Variants in STXBP5 observed in about 807,000 individuals in gnomAD.
STXBP5 encodes syntaxin binding protein 5, also known as syntaxin-binding protein 5.
STXBP5 carries 50 observed loss-of-function variants against 152.4 expected under a neutral mutation model. That is an observed-to-expected ratio of 0.33 (90% confidence interval 0.26 to 0.42). STXBP5 has a LOEUF of 0.42. Among genes scored for constraint, STXBP5 ranks in the 10% least tolerant of loss-of-function variants. The probability of loss-of-function intolerance (pLI) is 1.00; values close to 1 mark genes in which losing one functional copy is unlikely to be tolerated. For missense variants in STXBP5, 1,167 were observed against 1,388.6 expected (o/e 0.84, Z 2.54); for synonymous variants, 492 against 494.7 (o/e 0.99, Z 0.07).
rs1007697569 is a variant in STXBP5, at chr6:147,373,759, T to G, written c.3110T>G (p.Val1037Gly). 6.2e-7 allele frequency: 1 copy of G among 1,613,818 alleles called. No homozygotes were observed. Among genetic ancestry groups the G allele is most frequent in the Non-Finnish European group, 8.5e-7 (1 of 1,179,810 alleles). The change falls in exon 26 of 28, where the codon GTA becomes GGA. Residue 1037 changes from valine (V) to glycine (G), a missense_variant. Val to Gly is a moderately radical substitution (Grantham distance 109). This residue lies in a region of STXBP5 where 833 missense variants were observed against 986.3 expected (regional missense o/e 0.84). Coordinates refer to ENST00000321680, the MANE Select transcript of STXBP5 (RefSeq NM_001127715.4). ...ATGTTGGGTGAACTCTTCACTCCTG[T>G]AGAAACACCTGAAGCACCAAACAGG... is the stretch of plus-strand genomic sequence containing the variant. ...QEMLGELFTP[V>G]ETPEAPNRGF...
Position 147,278,086 on chromosome 6 carries a change from C to T in STXBP5, c.720C>T (p.Ile240=). ...ADYRYTYDEA[I]HSVAWHHEGK... ...TATTTTTCATCCTTCTATAGGCTAT[C>T]CACTCTGTTGCTTGGCATCATGAAG... Residue 240 remains isoleucine, a synonymous_variant, in exon 8 of 28, where the codon ATC becomes ATT. Coordinates refer to ENST00000321680, the MANE Select transcript of STXBP5 (RefSeq NM_001127715.4). 1 of 1,610,920 alleles carries T rather than the reference C, an allele frequency of 6.2e-7. No individual in the cohort carries two copies. The highest frequency in any genetic ancestry group is 8.5e-7 in the Non-Finnish European group (1 of 1,177,912).
intron 4 of STXBP5, among the ~76,000 whole-genome samples, chr6:147,247,436 G>A (rs1054313416): frequency 1.3e-5 from 2 of 152,060 alleles, no homozygotes; most frequent in African/African-American, 4.8e-5. Flanking sequence ...TTGGTGATAT[G>A]GAAATGATGA....
intron 8 of STXBP5, among the ~76,000 whole-genome samples, chr6:147,280,686 G>C (rs1487272393): frequency 6.6e-6 from 1 of 152,004 alleles, no homozygotes; most frequent in Non-Finnish European, 1.5e-5. Flanking sequence ...TACAAGCTTA[G>C]GTCATTGAAA....
At chr6:147,315,892 T>G (rs1307143411) in intron 15 of STXBP5, among the ~76,000 whole-genome samples, 157 bp downstream of exon 15, 1 of 152,176 alleles carries the variant, frequency 6.6e-6, no homozygotes, top group Non-Finnish European at 1.5e-5. Context: ...AAAAACAGCA[T>G]TTTTTGCATA....
intron 2 of STXBP5, among the ~76,000 whole-genome samples, chr6:147,212,419 C>T (rs1776904111): frequency 6.6e-6 from 1 of 152,088 alleles, no homozygotes; most frequent in African/African-American, 2.4e-5. Context: ...GGAAGAATTG[C>T]CTTATTATTA....
intron 26 of STXBP5, among the ~76,000 whole-genome samples, chr6:147,374,498 G>A (rs1583012075): frequency 6.6e-6 from 1 of 152,130 alleles, no homozygotes; most frequent in African/African-American, 2.4e-5. Context: ...TGATTGGTCT[G>A]TAGTTTTAGT....
chr6:147,227,141 T>G (rs1582810977), intron 2 of STXBP5, among the ~76,000 whole-genome samples: 2 of 151,092 alleles, frequency 1.3e-5, no homozygotes, highest in African/African-American at 2.4e-5. Context: ...TAGAGAGAGA[T>G]CTTGATTCAG....
At chr6:147,379,790 A>G (rs1041276277) in intron 26 of STXBP5, among the ~76,000 whole-genome samples, 1 of 152,070 alleles carries the variant, frequency 6.6e-6, no homozygotes, top group African/African-American at 2.4e-5. Context: ...CAGTTTTAGC[A>G]AGGTTTCAGG....
At chr6:147,339,287 A>C in intron 20 of STXBP5, 49 bp downstream of exon 20, 1 of 1,509,832 alleles carries the variant, frequency 6.6e-7, no homozygotes, top group Non-Finnish European at 8.8e-7. Context: ...TAATTTATTT[A>C]GTTTACTTTG....
At chr6:147,268,682 T>G (rs529875903) in intron 7 of STXBP5, among the ~76,000 whole-genome samples, 1 of 152,208 alleles carries the variant, frequency 6.6e-6, no homozygotes, top group Admixed American at 6.5e-5. Context: ...TTTTAAAAAT[T>G]GAACATTTTG....
intron 21 of STXBP5, among the ~76,000 whole-genome samples, chr6:147,347,874 T>C (rs1784409178): frequency 6.6e-6 from 1 of 152,224 alleles, no homozygotes; most frequent in South Asian, 2.1e-4. Context: ...CAAATATTTA[T>C]TAGTGGCTAT....
chr6:147,308,225 A>G (rs901595124), intron 9 of STXBP5, among the ~76,000 whole-genome samples: 6 of 152,194 alleles, frequency 3.9e-5, no homozygotes, highest in African/African-American at 1.4e-4. Flanking sequence ...TATTCGTTAT[A>G]TGTGATAAAA....
intron 8 of STXBP5, among the ~76,000 whole-genome samples, chr6:147,284,350 TAATCTTTATTCATTTTAAATG>T (rs934495512): frequency 2.0e-5 from 3 of 152,288 alleles, no homozygotes; most frequent in Non-Finnish European, 4.4e-5. Flanking sequence ...TTTTTGTCAG[TAATCTTTATTCATTTTAAATG>T]AATCTTTATT....
chr6:147,339,426 T>C, intron 21 of STXBP5, 42 bp downstream of exon 21: 6 of 1,404,162 alleles, frequency 4.3e-6, no homozygotes, highest in Non-Finnish European at 5.6e-6. Context: ...ATCCTTGCTA[T>C]ATGCAGTGCT....
rs142257654 is a variant in STXBP5 at position 147,260,938 on chromosome 6, A to G, written c.566+189A>G. Among the ~76,000 whole-genome samples, 350 of 152,262 alleles carry G rather than the reference A, an allele frequency of 2.3e-3. 1 individual carries two copies. Among genetic ancestry groups the G allele is most frequent in the African/African-American group, 8.0e-3 (332 of 41,574 alleles). On this transcript the variant is annotated intron_variant, in intron 5 of 27. Coordinates refer to ENST00000321680, the MANE Select transcript of STXBP5 (RefSeq NM_001127715.4). ...GGCAATTTGTAAATTTAAATTATGC[A>G]TATGTATATAGAGATATATGCACAT...
intron 15 of STXBP5, 55 bp downstream of exon 15, chr6:147,315,790 AT>A: frequency 6.5e-7 from 1 of 1,533,200 alleles, no homozygotes; most frequent in Non-Finnish European, 9.0e-7. Flanking sequence ...ACATTTTTAA[AT>A]TTGTGGATGA....
rs1786330512 is a variant in STXBP5, at chr6:147,386,185, AGCAAAAGCAAAATG to A, written c.*1432_*1445del. On this transcript the variant is annotated 3_prime_UTR_variant, in exon 28 of 28. Transcript: ENST00000321680. ...TTATTGATTGTTGTTAAAGCAACCC[AGCAAAAGCAAAATG>A]GAAGCATTAAAATTAATGTTAATGA... The A allele has an allele frequency of 1.3e-5, 2 of 151,974 alleles. No individual in the cohort carries two copies. Among genetic ancestry groups the A allele is most frequent in the Non-Finnish European group, 2.9e-5 (2 of 67,906 alleles). The allele number at this position is 151,974 out of a possible 1,614,324, so 9.4% of individuals were successfully genotyped here. A position where few individuals can be genotyped will look rare whatever the true frequency, so the allele number is the denominator to read the frequency against.
In STXBP5 at chr6:147,384,806, A is replaced by G; in HGVS notation, c.*51A>G. On this transcript the variant is annotated 3_prime_UTR_variant, in exon 28 of 28. Transcript: ENST00000321680. ...TCAGCCAGAAGGAAAAAAGTTTTCCATTTTTATTACATTCTTTAGGAAAGT... is the reference window on the plus strand; with the variant it reads ...TCAGCCAGAAGGAAAAAAGTTTTCCGTTTTTATTACATTCTTTAGGAAAGT... 1.3e-6 allele frequency: 2 copies of G among 1,552,906 alleles called. No individual in the cohort carries two copies. Among genetic ancestry groups the G allele is most frequent in the Middle Eastern group, 1.7e-4 (1 of 5,876 alleles).
intron 9 of STXBP5, among the ~76,000 whole-genome samples, chr6:147,304,122 G>GC (rs1244526996): frequency 2.0e-5 from 3 of 152,182 alleles, no homozygotes; most frequent in African/African-American, 7.2e-5. Context: ...TAGGGTAAAT[G>GC]CCTCCAGGGC....
Sources: allele counts gnomAD v4.1 joint callset (sites outside exome capture counted in the v4.1 genomes callset), GRCh38; gene constraint gnomAD v4.1.1; regional missense constraint gnomAD v4.1.1; transcripts MANE v1.5; gene names NCBI Gene and HGNC (gene_info 2026-07-23, HGNC 2026-07-21).